ZFHX4: variants seen among roughly 807,000 people sequenced by gnomAD.
ZFHX4 encodes the protein zinc finger homeobox protein 4.
A neutral mutation model predicts 267.6 loss-of-function variants in ZFHX4; 56 were observed. That is an observed-to-expected ratio of 0.21 (90% confidence interval 0.17 to 0.26). The LOEUF is 0.26. Ranked by LOEUF, ZFHX4 falls within the 10% of genes least tolerant of loss-of-function variation. ZFHX4 has a pLI of 1.00. For synonymous variants in ZFHX4, 1,778 were observed against 1,665.6 expected, an observed-to-expected ratio of 1.07 and a Z score of -1.64; for missense variants, 4,332 against 4,420.0, an observed-to-expected ratio of 0.98 and a Z score of 0.56.
intron 3 of ZFHX4, among the ~76,000 whole-genome samples, chr8:76,732,345 G>A (rs1240849359): frequency 1.3e-5 from 2 of 151,976 alleles, no homozygotes; most frequent in African/African-American, 4.8e-5. Context: ...TTTTTAGAAG[G>A]GCAGTCTGTT....
intron 3 of ZFHX4, among the ~76,000 whole-genome samples, chr8:76,756,874 T>C (rs1809778522): frequency 6.6e-6 from 1 of 152,202 alleles, no homozygotes; most frequent in African/African-American, 2.4e-5. Context: ...AAGCAGGGTA[T>C]AAATTGCCAA....
At chr8:76,729,609 C>G (rs1393425098) in intron 3 of ZFHX4, among the ~76,000 whole-genome samples, 1 of 152,172 alleles carries the variant, frequency 6.6e-6, no homozygotes, top group Non-Finnish European at 1.5e-5. Flanking sequence ...GCCTCTTAGA[C>G]TCTGCCTCTT....
intron 1 of ZFHX4, among the ~76,000 whole-genome samples, chr8:76,682,178 G>A (rs1807551379): frequency 6.6e-6 from 1 of 152,088 alleles, no homozygotes; most frequent in African/African-American, 2.4e-5. Context: ...CTGAAAGTTT[G>A]GACGTTGGTC....
At chr8:76,719,091 A>G (rs1791414697) in intron 3 of ZFHX4, among the ~76,000 whole-genome samples, 1 of 151,410 alleles carries the variant, frequency 6.6e-6, no homozygotes, top group Non-Finnish European at 1.5e-5. Flanking sequence ...TATATTTTCC[A>G]TATATATCCA....
intron 3 of ZFHX4, among the ~76,000 whole-genome samples, chr8:76,730,480 C>T (rs1054448328): frequency 1.3e-5 from 2 of 152,092 alleles, no homozygotes; most frequent in Non-Finnish European, 2.9e-5. Flanking sequence ...GCAGGTGGAT[C>T]ACTTGAGGTC....
intron 1 of ZFHX4, among the ~76,000 whole-genome samples, chr8:76,697,316 T>C (rs2131593043): frequency 6.6e-6 from 1 of 152,098 alleles, no homozygotes; most frequent in Middle Eastern, 3.4e-3. Context: ...TGTGCACTGG[T>C]TTTTACTAGT....
chr8:76,705,884 G>T lies in ZFHX4; in HGVS notation c.1796G>T (p.Gly599Val). Residue 599 changes from glycine (G) to valine (V), a missense_variant, in exon 2 of 11, where the codon GGC (glycine) becomes GTC (valine). Physicochemically the swap from Gly to Val is moderately radical, Grantham distance 109. Around this residue, in one of 7 missense-constraint regions of ZFHX4, gnomAD observed 1,195 missense variants for 1,173.6 expected, o/e 1.02. Coordinates refer to ENST00000651372, the MANE Select transcript of ZFHX4 (RefSeq NM_024721.5). ...CATGGCTTTACCCCGAGTACTCCTG[G>T]CACACCAGGGCCTGGAGGAGACGGC... ...HQHGFTPSTPGTPGPGGDGSP... is the reference protein window; with the variant it reads ...HQHGFTPSTPVTPGPGGDGSP... The T allele has an allele frequency of 6.2e-7, 1 of 1,613,712 alleles. No individual in the cohort carries two copies.
At chr8:76,727,267 G>A (rs1322113913) in intron 3 of ZFHX4, among the ~76,000 whole-genome samples, 1 of 151,970 alleles carries the variant, frequency 6.6e-6, no homozygotes, top group Non-Finnish European at 1.5e-5. Flanking sequence ...AGCTCTTGGG[G>A]CCGCAGCCAC....
At chr8:76,780,433 T>A (rs927185341) in intron 4 of ZFHX4, among the ~76,000 whole-genome samples, 5 of 152,122 alleles carry the variant, frequency 3.3e-5, no homozygotes, top group African/African-American at 1.2e-4. Flanking sequence ...CCAAATGATA[T>A]CAGTAGGGAA....
In ZFHX4 at chr8:76,705,667, G is replaced by C; in HGVS notation, c.1579G>C (p.Ala527Pro). Residue 527 changes from alanine to proline, a missense_variant, in exon 2 of 11, where the codon GCG becomes CCG. Around this residue, in one of 7 missense-constraint regions of ZFHX4, gnomAD observed 1,195 missense variants for 1,173.6 expected, o/e 1.02. Transcript: ENST00000651372. ...FIEKGTSSSSATVSDDTEKKK... is the reference protein window; with the variant it reads ...FIEKGTSSSSPTVSDDTEKKK... ...TGAAAAGGGTACCTCGTCCTCCTCG[G>C]CGACTGTTTCTGATGACACAGAAAA... 1.2e-6 allele frequency: 2 copies of C among 1,613,926 alleles called. No individual in the cohort carries two copies. The highest frequency in any genetic ancestry group is 1.7e-6 in the Non-Finnish European group (2 of 1,179,878).
intron 4 of ZFHX4, among the ~76,000 whole-genome samples, chr8:76,813,287 C>A (rs1050313125): frequency 6.6e-6 from 1 of 151,978 alleles, no homozygotes; most frequent in Non-Finnish European, 1.5e-5. Flanking sequence ...ACCTTTTTCC[C>A]CGGTACAGTC....
intron 3 of ZFHX4, among the ~76,000 whole-genome samples, chr8:76,768,469 A>G (rs1398631792): frequency 6.6e-6 from 1 of 152,142 alleles, no homozygotes; most frequent in Non-Finnish European, 1.5e-5. Context: ...TAAATAGGAG[A>G]TAGTGAAAGT....
chr8:76,838,933 TG>T (rs968485640), intron 5 of ZFHX4, among the ~76,000 whole-genome samples: 56 of 151,956 alleles, frequency 3.7e-4, no homozygotes, highest in African/African-American at 1.3e-3. Context: ...TGCATGCCTG[TG>T]GTCCCAGCCA....
chr8:76,851,828 A>C lies in ZFHX4; in HGVS notation c.4907A>C (p.His1636Pro). 6.2e-7 allele frequency: 1 copy of C among 1,613,962 alleles called. No individual in the cohort carries two copies. Among genetic ancestry groups the C allele is most frequent in the Non-Finnish European group, 8.5e-7 (1 of 1,179,864 alleles). Residue 1636 changes from histidine (H) to proline (P), a missense_variant, in exon 10 of 11, where the codon CAC becomes CCC. Physicochemically the swap from His to Pro is moderately conservative, Grantham distance 77. Coordinates refer to ENST00000651372, the MANE Select transcript of ZFHX4 (RefSeq NM_024721.5). ...LEPSGHVAGG[H>P]SIAANVNSPG... is the part of the protein sequence containing the mutation. ...CCCAGTGGTCATGTGGCTGGTGGGC[A>C]CAGCATTGCAGCAAATGTCAACAGC...
intron 6 of ZFHX4, among the ~76,000 whole-genome samples, chr8:76,844,285 T>G (rs1418982323): frequency 6.6e-6 from 1 of 152,132 alleles, no homozygotes; most frequent in Non-Finnish European, 1.5e-5. Context: ...ATCTTTCACA[T>G]AGTAGTACCA....
At chr8:76,726,235 T>C (rs929479792) in intron 3 of ZFHX4, among the ~76,000 whole-genome samples, 1 of 152,172 alleles carries the variant, frequency 6.6e-6, no homozygotes, top group Non-Finnish European at 1.5e-5. Context: ...TACTGCTTTG[T>C]TAAAATGGAC....
At position 76,855,821 on chromosome 8, in the gene ZFHX4, G is replaced by T. The variant is rs764230583; in HGVS notation, c.8900G>T (p.Gly2967Val). 15 of 1,613,814 alleles carry T rather than the reference G, an allele frequency of 9.3e-6. No individual in the cohort carries two copies. Among genetic ancestry groups the T allele is most frequent in the Non-Finnish European group, 1.2e-5 (14 of 1,179,878 alleles). Residue 2967 changes from glycine to valine, a missense_variant, in exon 10 of 11, where the codon GGT becomes GTT. Coordinates refer to ENST00000651372, the MANE Select transcript of ZFHX4 (RefSeq NM_024721.5). ...TGTGAAATGTTAGGGAATGAGATTGGTCTGCCCAAACGCGTAGTCCAGGTG... is the reference window on the plus strand; with the variant it reads ...TGTGAAATGTTAGGGAATGAGATTGTTCTGCCCAAACGCGTAGTCCAGGTG... ...QECEMLGNEIGLPKRVVQVWF... is the reference protein window; with the variant it reads ...QECEMLGNEIVLPKRVVQVWF...
At chr8:76,745,295 A>AT (rs1053698899) in intron 3 of ZFHX4, among the ~76,000 whole-genome samples, 3 of 152,052 alleles carry the variant, frequency 2.0e-5, no homozygotes, top group East Asian at 1.9e-4. Flanking sequence ...GGAAAGCTAT[A>AT]TTTTTTTGCC....
At chr8:76,840,846 T>A (rs1226844685) in intron 5 of ZFHX4, among the ~76,000 whole-genome samples, 1 of 152,196 alleles carries the variant, frequency 6.6e-6, no homozygotes, top group Non-Finnish European at 1.5e-5. Context: ...ATCTCAGCCC[T>A]CCAGCCTCCC....
Sources: gnomAD v4.1 joint callset for allele counts (sites outside exome capture counted in the v4.1 genomes callset) on GRCh38, gnomAD v4.1.1 for gene constraint, gnomAD v4.1.1 regional missense constraint, MANE v1.5 for transcripts, NCBI Gene and HGNC (gene_info 2026-07-23, HGNC 2026-07-21) for gene names.